The following PLSCR2 variants were observed in gnomAD, a reference collection of about 807,000 sequenced individuals.
The protein encoded by PLSCR2 is PL scramblase 2.
PLSCR2 carries 18 observed loss-of-function variants against 25.3 expected under a neutral mutation model. The ratio of observed to expected loss-of-function variants is 0.71; its 90% CI spans 0.49 to 1.06. The LOEUF is 1.06. Ranked by LOEUF, PLSCR2 falls within the 50% of genes least tolerant of loss-of-function variation. The pLI is 0.00. For missense variants in PLSCR2, 243 were observed against 269.5 expected (o/e 0.90, Z 0.69); for synonymous variants, 88 against 87.3 (o/e 1.01, Z -0.04).
intron 1 of PLSCR2, chr3:146,495,799 T>C (rs955395268): frequency 5.4e-6 from 5 of 924,970 alleles, no homozygotes; most frequent in East Asian, 5.3e-5. Flanking sequence ...AGTTCGTGAA[T>C]AGGAACATAT....
chr3:146,412,360 CTA>C (rs1479992731), intron 2 of PLSCR2, among the ~76,000 whole-genome samples: 1 of 152,090 alleles, frequency 6.6e-6, no homozygotes, highest in Non-Finnish European at 1.5e-5. Flanking sequence ...CCCAGGTTTT[CTA>C]TGACATCCTT....
chr3:146,469,220 A>G (rs2042004324), intron 1 of PLSCR2: 1 of 985,596 alleles, frequency 1.0e-6, no homozygotes, highest in Non-Finnish European at 1.2e-6. Context: ...TCTACCTGTA[A>G]AGCAGTGTAG....
intron 1 of PLSCR2, among the ~76,000 whole-genome samples, chr3:146,490,379 A>G (rs2043502808): frequency 1.3e-5 from 2 of 152,216 alleles, no homozygotes; most frequent in Admixed American, 1.3e-4. Flanking sequence ...CTCTGCCATG[A>G]GAATACTTCC....
intron 6 of PLSCR2, among the ~76,000 whole-genome samples, chr3:146,444,922 T>C (rs547539350): frequency 3.8e-4 from 58 of 152,106 alleles, no homozygotes; most frequent in Non-Finnish European, 7.8e-4. Flanking sequence ...TCTGTATGTA[T>C]CTTTTCTACG....
chr3:146,392,355 A>T (rs1242642500), intron 3 of PLSCR2, among the ~76,000 whole-genome samples: 1 of 152,128 alleles, frequency 6.6e-6, no homozygotes, highest in Non-Finnish European at 1.5e-5. Flanking sequence ...AGCATACATC[A>T]TTAGAAATAA....
intron 2 of PLSCR2, among the ~76,000 whole-genome samples, chr3:146,414,634 T>C (rs2038955774): frequency 6.6e-6 from 1 of 151,994 alleles, no homozygotes; most frequent in South Asian, 2.1e-4. Flanking sequence ...TTCCATGCAT[T>C]TTGGTTTCAT....
At chr3:146,469,863 T>C (rs1341832376) in intron 1 of PLSCR2, among the ~76,000 whole-genome samples, 21 of 150,566 alleles carry the variant, frequency 1.4e-4, no homozygotes, top group Admixed American at 1.1e-3. Context: ...TTTTTTGCTC[T>C]TTGGAGAGAC....
chr3:146,420,203 T>C (rs2039102372), intron 2 of PLSCR2, among the ~76,000 whole-genome samples: 1 of 152,106 alleles, frequency 6.6e-6, no homozygotes, highest in Non-Finnish European at 1.5e-5. Flanking sequence ...TTCTGATTGC[T>C]TTTATAGAGG....
chr3:146,474,907 C>A (rs1009596841), intron 1 of PLSCR2, among the ~76,000 whole-genome samples: 3 of 151,564 alleles, frequency 2.0e-5, no homozygotes, highest in African/African-American at 7.3e-5. Flanking sequence ...ACTCTGATAT[C>A]CTTTCTTCTG....
intron 1 of PLSCR2, among the ~76,000 whole-genome samples, chr3:146,470,913 G>T (rs1261311559): frequency 6.6e-6 from 1 of 152,140 alleles, no homozygotes; most frequent in African/African-American, 2.4e-5. Flanking sequence ...TACCACAGAG[G>T]ATTTTTATGA....
At chr3:146,495,883 G>A (rs2043730648) in intron 1 of PLSCR2, 1 of 1,532,962 alleles carries the variant, frequency 6.5e-7, no homozygotes. Context: ...GAAACTACAT[G>A]TCATTGGCTA....
At chr3:146,491,027 T>G (rs755285097) in intron 1 of PLSCR2, among the ~76,000 whole-genome samples, 12 of 152,164 alleles carry the variant, frequency 7.9e-5, no homozygotes, top group Non-Finnish European at 1.8e-4. Flanking sequence ...AAAGACTTCT[T>G]GTAAGGCAGG....
chr3:146,440,102 C>T (rs753310332), downstream of PLSCR2, among the ~76,000 whole-genome samples: 13 of 152,276 alleles, frequency 8.5e-5, no homozygotes, highest in Admixed American at 3.3e-4. Context: ...TATTGCAGAA[C>T]GGCAAATGTT....
exon 4 of PLSCR2, chr3:146,391,553 A>G (rs2038083892): frequency 6.6e-6 from 1 of 152,630 alleles, no homozygotes; most frequent in South Asian, 2.1e-4. Context: ...AGTTCAAAAT[A>G]CATGTATTCC....
intron 1 of PLSCR2, among the ~76,000 whole-genome samples, chr3:146,472,849 G>A (rs2042163160): frequency 6.6e-6 from 1 of 152,210 alleles, no homozygotes; most frequent in Admixed American, 6.5e-5. Flanking sequence ...CACAGTTCTA[G>A]AATTTGAGAA....
intron 2 of PLSCR2, among the ~76,000 whole-genome samples, chr3:146,406,559 A>T (rs2038665482): frequency 6.6e-6 from 1 of 152,162 alleles, no homozygotes; most frequent in Non-Finnish European, 1.5e-5. Flanking sequence ...GGCGCAGAGG[A>T]CATAACAGGC....
At chr3:146,436,777 G>T (rs1289001417), downstream of PLSCR2, among the ~76,000 whole-genome samples, 1 of 151,960 alleles carries the variant, frequency 6.6e-6, no homozygotes, top group African/African-American at 2.4e-5. Context: ...TCTTTCTCTT[G>T]CCTGATTGCC....
chr3:146,478,899 G>A (rs919151558), intron 1 of PLSCR2, among the ~76,000 whole-genome samples: 29 of 152,328 alleles, frequency 1.9e-4, no homozygotes, highest in African/African-American at 7.0e-4. Context: ...GGATCTCTCG[G>A]CAGAAACTCT....
At chr3:146,477,949 T>G (rs1479487591) in intron 1 of PLSCR2, among the ~76,000 whole-genome samples, 2 of 152,176 alleles carry the variant, frequency 1.3e-5, no homozygotes, top group Non-Finnish European at 2.9e-5. Context: ...CCTCCACTGG[T>G]AATACCCAGG....
Sources: allele counts gnomAD v4.1 joint callset (sites outside exome capture counted in the v4.1 genomes callset), GRCh38; gene constraint gnomAD v4.1.1; transcripts MANE v1.5; gene names NCBI Gene and HGNC (gene_info 2026-07-23, HGNC 2026-07-21).